The following LIMS1 variants were observed in gnomAD, a reference collection of about 807,000 sequenced individuals.
LIMS1 encodes the protein LIM zinc finger domain containing 1.
In LIMS1, 18 loss-of-function variants were observed where a neutral mutation model predicts 44.1. That is an observed-to-expected ratio of 0.41 (90% CI 0.28 to 0.61). The LOEUF is 0.61. Ranked by LOEUF, LIMS1 falls within the 20% of genes least tolerant of loss-of-function variation. The pLI is 0.32. For missense variants in LIMS1, 201 were observed against 422.0 expected (o/e 0.48, Z 4.59); for synonymous variants, 93 against 149.1 (o/e 0.62, Z 2.74).
At chr2:108,557,907 T>G (rs1273671636) in intron 1 of LIMS1, among the ~76,000 whole-genome samples, 1 of 152,242 alleles carries the variant, frequency 6.6e-6, no homozygotes, top group Non-Finnish European at 1.5e-5. Flanking sequence ...GAGAACAAAT[T>G]GGTTTATTTC....
chr2:108,591,184 T>C (rs1686370528), intron 1 of LIMS1, among the ~76,000 whole-genome samples: 1 of 152,144 alleles, frequency 6.6e-6, no homozygotes, highest in Non-Finnish European at 1.5e-5. Flanking sequence ...GATGTGTCAG[T>C]GGGTCTTTCA....
At chr2:108,635,473 T>G (rs1689181244) in intron 1 of LIMS1, among the ~76,000 whole-genome samples, 1 of 145,474 alleles carries the variant, frequency 6.9e-6, no homozygotes, top group African/African-American at 2.6e-5. Flanking sequence ...TCCCAGCACT[T>G]CAGGAGGCCA....
intron 1 of LIMS1, among the ~76,000 whole-genome samples, chr2:108,644,003 A>G (rs1182862115): frequency 6.6e-6 from 1 of 152,170 alleles, no homozygotes; most frequent in Non-Finnish European, 1.5e-5. Context: ...TCTGAAAAAA[A>G]GGCAGCAACC....
chr2:108,613,472 C>G (rs938030385), intron 1 of LIMS1, among the ~76,000 whole-genome samples: 1 of 152,062 alleles, frequency 6.6e-6, no homozygotes, highest in Non-Finnish European at 1.5e-5. Context: ...CCCTGGCCCT[C>G]TGTGTCCAGT....
At chr2:108,643,082 C>T (rs1179577538) in intron 1 of LIMS1, among the ~76,000 whole-genome samples, 4 of 152,286 alleles carry the variant, frequency 2.6e-5, no homozygotes, top group South Asian at 2.1e-4. Flanking sequence ...AATCACTCTG[C>T]TCTGGGTGGA....
chr2:108,680,853 A>T, intron 9 of LIMS1, 83 bp downstream of exon 9: 1 of 1,564,242 alleles, frequency 6.4e-7, no homozygotes, highest in Non-Finnish European at 8.6e-7. Context: ...GAATTTAGAA[A>T]AAGAGAATTA....
At chr2:108,573,015 A>G (rs564673123) in intron 1 of LIMS1, among the ~76,000 whole-genome samples, 1 of 152,336 alleles carries the variant, frequency 6.6e-6, no homozygotes, top group Non-Finnish European at 1.5e-5. Flanking sequence ...CTGGTGAAGA[A>G]TAAGGATTTT....
intron 9 of LIMS1, among the ~76,000 whole-genome samples, chr2:108,683,358 G>T (rs184247747): frequency 1.5e-3 from 235 of 151,750 alleles, no homozygotes; most frequent in Non-Finnish European, 2.5e-3. Flanking sequence ...TAGGCAATAC[G>T]ACAGGACCCT....
chr2:108,615,485 G>A (rs1007868875), intron 1 of LIMS1, among the ~76,000 whole-genome samples: 6 of 152,040 alleles, frequency 3.9e-5, no homozygotes, highest in African/African-American at 1.4e-4. Flanking sequence ...TGGGGCTAGG[G>A]TGATCAGCAT....
intron 1 of LIMS1, among the ~76,000 whole-genome samples, chr2:108,575,531 A>C (rs1332381908): frequency 6.6e-6 from 1 of 152,236 alleles, no homozygotes; most frequent in South Asian, 2.1e-4. Flanking sequence ...TTGAAATTTA[A>C]TGTGGAGGCC....
intron 1 of LIMS1, among the ~76,000 whole-genome samples, chr2:108,620,332 A>C (rs1277650936): frequency 6.6e-6 from 1 of 152,210 alleles, no homozygotes; most frequent in African/African-American, 2.4e-5. Context: ...AATTGCCCAG[A>C]GAAAAATTCC....
At chr2:108,535,683 G>A (rs545840370) in intron 1 of LIMS1, among the ~76,000 whole-genome samples, 1 of 152,288 alleles carries the variant, frequency 6.6e-6, no homozygotes, top group Admixed American at 6.5e-5. Context: ...TCAGATACAA[G>A]GTGGTGTTTA....
At chr2:108,596,253 AAG>A (rs1686676276) in intron 1 of LIMS1, among the ~76,000 whole-genome samples, 1 of 152,250 alleles carries the variant, frequency 6.6e-6, no homozygotes. Context: ...ATTCTTACAA[AAG>A]AGTGTGAGAT....
intron 1 of LIMS1, among the ~76,000 whole-genome samples, chr2:108,562,706 T>TGATGTAGAAGGTGCA (rs1447400137): frequency 6.6e-6 from 1 of 152,236 alleles, no homozygotes; most frequent in African/African-American, 2.4e-5. Flanking sequence ...CAGCAGGTGC[T>TGATGTAGAAGGTGCA]GATGTAGAAG....
chr2:108,684,875 A>T (rs1401581315), exon 10 of LIMS1: 1 of 152,260 alleles, frequency 6.6e-6, no homozygotes, highest in East Asian at 1.9e-4. Flanking sequence ...TATGTCGGTC[A>T]TATTGCCTTT....
intron 1 of LIMS1, among the ~76,000 whole-genome samples, chr2:108,585,987 A>C (rs533147254): frequency 6.6e-6 from 1 of 152,174 alleles, no homozygotes; most frequent in Admixed American, 6.5e-5. Flanking sequence ...AGGTCAGGAG[A>C]TCGAGACCAT....
At chr2:108,582,611 T>C (rs1685930604) in intron 1 of LIMS1, among the ~76,000 whole-genome samples, 1 of 151,946 alleles carries the variant, frequency 6.6e-6, no homozygotes, top group Non-Finnish European at 1.5e-5. Flanking sequence ...CTACTAAAAA[T>C]ATGAAAATTT....
intron 1 of LIMS1, among the ~76,000 whole-genome samples, chr2:108,640,651 A>G (rs1355721456): frequency 6.6e-6 from 1 of 152,148 alleles, no homozygotes; most frequent in Non-Finnish European, 1.5e-5. Context: ...TAGAGGAGGA[A>G]TTTTTTATTG....
rs1217505879 is a variant in LIMS1, at chr2:108,534,468, C to T, written c.-95C>T. On this transcript the variant is annotated 5_prime_UTR_variant, in exon 1 of 10. Coordinates refer to ENST00000544547, the Ensembl canonical transcript of LIMS1. ...TCCTCCCCTTCCTGCTCCGGGCCCG[C>T]CAGTAGCCGGCCGCGGCGGCGAGGG... 2 of 1,026,746 alleles carry T rather than the reference C, an allele frequency of 1.9e-6. No individual in the cohort carries two copies. Among genetic ancestry groups the T allele is most frequent in the Non-Finnish European group, 2.4e-6 (2 of 817,776 alleles). 63.6% of individuals were successfully genotyped at this position (1,026,746 alleles called of 1,614,324 possible). A position where few individuals can be genotyped will look rare whatever the true frequency, so the allele number is the denominator to read the frequency against.
Sources: allele counts gnomAD v4.1 joint callset (sites outside exome capture counted in the v4.1 genomes callset), GRCh38; gene constraint gnomAD v4.1.1; transcripts MANE v1.5; gene names NCBI Gene and HGNC (gene_info 2026-07-23, HGNC 2026-07-21).